PIR: variants seen among roughly 807,000 people sequenced by gnomAD.
PIR encodes the protein pirin.
In PIR, 22 loss-of-function variants were observed where a neutral mutation model predicts 24.2. The observed-to-expected ratio is 0.91, with a 90% CI of 0.65 to 1.30. PIR has a LOEUF of 1.30. Ranked by LOEUF, PIR falls within the 50% of genes most tolerant of loss-of-function variation. The probability of loss-of-function intolerance (pLI) is 0.00; values close to 1 mark genes in which losing one functional copy is unlikely to be tolerated. For synonymous variants in PIR, 80 were observed against 79.6 expected, an observed-to-expected ratio of 1.00 and a Z score of -0.03; for missense variants, 220 against 220.3, an observed-to-expected ratio of 1.00 and a Z score of 0.01.
intron 3 of PIR, among the ~76,000 whole-genome samples, chrX:15,461,732 G>C (rs1022085310): frequency 8.9e-6 from 1 of 111,914 alleles, no homozygotes; most frequent in Admixed American, 9.4e-5. Flanking sequence ...GCAGTGAGCC[G>C]AGATCGCACC....
intron 7 of PIR, 139 bp from the exon 8 acceptor site, chrX:15,397,670 T>TAAG: frequency 2.3e-6 from 1 of 430,686 alleles, no homozygotes; most frequent in Non-Finnish European, 4.0e-6. Flanking sequence ...CTTGAATCTC[T>TAAG]TGGTTAATTA....
At chrX:15,470,481 C>T (rs1047987922) in intron 3 of PIR, among the ~76,000 whole-genome samples, 5 of 110,947 alleles carry the variant, frequency 4.5e-5, no homozygotes, top group Admixed American at 2.9e-4. Flanking sequence ...ACTTATTTCT[C>T]GTTTCACTTG....
chrX:15,467,598 G>A (rs1336765366), intron 3 of PIR, among the ~76,000 whole-genome samples: 1 of 112,129 alleles, frequency 8.9e-6, no homozygotes, highest in Non-Finnish European at 1.9e-5. Flanking sequence ...AAAGCTACAG[G>A]ATCCTGAGAT....
At chrX:15,445,945 T>C (rs1309046137) in intron 5 of PIR, among the ~76,000 whole-genome samples, 1 of 98,212 alleles carries the variant, frequency 1.0e-5, no homozygotes, top group Non-Finnish European at 2.0e-5. Flanking sequence ...TTCTCCTGCC[T>C]CAGCCTCCCG....
At chrX:15,444,196 G>A (rs1926011968) in intron 5 of PIR, among the ~76,000 whole-genome samples, 1 of 111,721 alleles carries the variant, frequency 9.0e-6, no homozygotes, top group Non-Finnish European at 1.9e-5. Flanking sequence ...TTAAGAAACT[G>A]CCACAGCCAC....
chrX:15,465,748 T>C (rs902152213), intron 3 of PIR, among the ~76,000 whole-genome samples: 5 of 111,988 alleles, frequency 4.5e-5, no homozygotes, highest in African/African-American at 1.6e-4. Flanking sequence ...ACAATAGTGA[T>C]GAAAGAAAAG....
rs749053358 is a variant in PIR, at chrX:15,462,461, AG to A, written c.190-2722del. On this transcript the variant is annotated intron_variant, in intron 3 of 9. Transcript: ENST00000380420. ...GTGGAAATATTGTAAGATATAAAGA[AG>A]AAAGAAAAAAAAATGCCCAGGAGGC... 2.8e-3 allele frequency among the ~76,000 whole-genome samples: 312 copies of A among 110,548 alleles called. 1 individual carries two copies. Among genetic ancestry groups the A allele is most frequent in the African/African-American group, 0.01 (297 of 29,445 alleles).
intron 2 of PIR, among the ~76,000 whole-genome samples, chrX:15,485,366 T>C (rs967916880): frequency 2.7e-5 from 3 of 111,366 alleles, no homozygotes; most frequent in African/African-American, 9.8e-5. Flanking sequence ...AGGGTCTCAT[T>C]TGTAAGGGCA....
At chrX:15,414,607 A>G (rs769850111) in intron 6 of PIR, among the ~76,000 whole-genome samples, 3 of 112,130 alleles carry the variant, frequency 2.7e-5, no homozygotes, top group African/African-American at 9.7e-5. Context: ...AATAATAGAA[A>G]CCTGAAATTA....
At chrX:15,438,318 C>T (rs958348419) in intron 5 of PIR, among the ~76,000 whole-genome samples, 11 of 112,198 alleles carry the variant, frequency 9.8e-5, no homozygotes, top group African/African-American at 2.9e-4. Context: ...TCCTTTTGAA[C>T]GCTTCAACAT....
chrX:15,433,670 G>A (rs1925607789), intron 5 of PIR, among the ~76,000 whole-genome samples: 2 of 87,943 alleles, frequency 2.3e-5, no homozygotes, highest in African/African-American at 8.5e-5. Context: ...GAAAGAAGGA[G>A]GAGGAGGAAG....
chrX:15,396,001 G>A (rs1267652820), intron 8 of PIR, among the ~76,000 whole-genome samples: 3 of 111,514 alleles, frequency 2.7e-5, no homozygotes, highest in Admixed American at 9.5e-5. Flanking sequence ...TCTTTCTGGT[G>A]TTCTGTTTTA....
intron 6 of PIR, among the ~76,000 whole-genome samples, chrX:15,416,647 C>T (rs1160209932): frequency 2.7e-5 from 3 of 111,672 alleles, no homozygotes; most frequent in Admixed American, 1.9e-4. Context: ...TAGAGTCTTG[C>T]GTCTAACCAG....
rs1376925618 is a variant in PIR, at chrX:15,455,904, G to A, written c.424C>T (p.Pro142Ser). The part of the protein sequence containing the change: ...QELKSEEIPK[P>S]SKDGVTVAVI... Reference sequence around the variant, plus strand: ...GCAACTGTCACACCATCCTTACTGGGTTTAGGGATTTCTTCACTTTTCAGT... The same window carrying A: ...GCAACTGTCACACCATCCTTACTGGATTTAGGGATTTCTTCACTTTTCAGT... Residue 142 changes from proline to serine, a missense_variant, in exon 5 of 10, where the codon CCC becomes TCC. Coordinates refer to ENST00000380420, the MANE Select transcript of PIR (RefSeq NM_001018109.3). The A allele has an allele frequency of 1.7e-6, 2 of 1,210,565 alleles. No homozygotes were observed. Among genetic ancestry groups the A allele is most frequent in the South Asian group, 3.5e-5 (2 of 56,946 alleles).
chrX:15,478,023 C>T (rs113784589), intron 3 of PIR, among the ~76,000 whole-genome samples: 1 of 102,666 alleles, frequency 9.7e-6, no homozygotes, highest in Middle Eastern at 5.1e-3. Context: ...TTCCCCCCCC[C>T]CCAGAAAGCA....
intron 5 of PIR, among the ~76,000 whole-genome samples, chrX:15,445,403 G>A (rs930478381): frequency 9.0e-6 from 1 of 110,709 alleles, no homozygotes; most frequent in Non-Finnish European, 1.9e-5. Context: ...GGTTCTGGGG[G>A]AGGGATAGCA....
chrX:15,443,852 G>T (rs1254769111), intron 5 of PIR, among the ~76,000 whole-genome samples: 1 of 112,281 alleles, frequency 8.9e-6, no homozygotes, highest in East Asian at 2.8e-4. Context: ...AGAATTAGAA[G>T]TGGAGCCTGA....
At chrX:15,486,906 C>T (rs1462395057) in intron 2 of PIR, among the ~76,000 whole-genome samples, 2 of 112,284 alleles carry the variant, frequency 1.8e-5, no homozygotes, top group Admixed American at 9.4e-5. Flanking sequence ...TTCTGTTACA[C>T]ACAGTTGAAC....
intron 3 of PIR, among the ~76,000 whole-genome samples, chrX:15,473,162 G>A (rs1922011452): frequency 8.9e-6 from 1 of 111,824 alleles, no homozygotes; most frequent in Non-Finnish European, 1.9e-5. Flanking sequence ...TAAAGTACTG[G>A]TTCTCAGCCA....
Sources: gnomAD v4.1 joint callset for allele counts (sites outside exome capture counted in the v4.1 genomes callset) on GRCh38, gnomAD v4.1.1 for gene constraint, MANE v1.5 for transcripts, NCBI Gene and HGNC (gene_info 2026-07-23, HGNC 2026-07-21) for gene names.